The following PDCD6 variants were observed in gnomAD, a reference collection of about 807,000 sequenced individuals.
PDCD6 encodes programmed cell death protein 6.
A neutral mutation model predicts 28.3 loss-of-function variants in PDCD6; 12 were observed. That is an observed-to-expected ratio of 0.42 (90% CI 0.27 to 0.69). The LOEUF is 0.69. Ranked by LOEUF, PDCD6 falls within the 30% of genes least tolerant of loss-of-function variation. The pLI is 0.22. For missense variants in PDCD6, 226 were observed against 269.9 expected, an observed-to-expected ratio of 0.84 and a Z score of 1.14; for synonymous variants, 92 against 108.0, an observed-to-expected ratio of 0.85 and a Z score of 0.92.
intron 2 of PDCD6, among the ~76,000 whole-genome samples, chr5:274,675 C>T (rs529097708): frequency 1.2e-3 from 183 of 152,260 alleles, no homozygotes; most frequent in East Asian, 7.3e-3. Context: ...AACACTCACA[C>T]GCTGGGCTAG....
intron 1 of PDCD6, among the ~76,000 whole-genome samples, chr5:272,415 G>C (rs1204475258): frequency 1.3e-5 from 2 of 149,234 alleles, no homozygotes; most frequent in Admixed American, 1.3e-4. Flanking sequence ...GTTATCTGAG[G>C]GAATCTTGTC....
rs1741149883 is a variant in PDCD6 at position 314,592 on chromosome 5, C to G, written c.*77C>G. On this transcript the variant is annotated 3_prime_UTR_variant, in exon 6 of 6. Transcript: ENST00000264933. ...AGTTCCTATCTGTGAGGGAATGGAGCACAGGTGCAGTTAGATGCTGTTCTT... is the reference window on the plus strand; with the variant it reads ...AGTTCCTATCTGTGAGGGAATGGAGGACAGGTGCAGTTAGATGCTGTTCTT... 9.8e-7 allele frequency: 1 copy of G among 1,021,440 alleles called. No homozygotes were observed. The highest frequency in any genetic ancestry group is 2.4e-5 in the East Asian group (1 of 41,954). 63.3% of individuals were successfully genotyped at this position (1,021,440 alleles called of 1,614,324 possible).
rs758754234 is a variant in PDCD6, at chr5:314,380, T to C, written c.478-37T>C. 4.0e-6 allele frequency: 6 copies of C among 1,492,700 alleles called. No individual in the cohort carries two copies. In the South Asian group the frequency reaches 6.8e-5, roughly 17 times the overall value. 92.5% of individuals were successfully genotyped at this position (1,492,700 alleles called of 1,614,324 possible). A position where few individuals can be genotyped will look rare whatever the true frequency, so the allele number is the denominator to read the frequency against. ...GTCCCAGTGCACCTTGCTCCTTCCA[T>C]TTACTATCGAGATTTAAATGCCTGT... is the stretch of plus-strand genomic sequence containing the variant. On this transcript the variant is annotated intron_variant, in intron 5 of 5. Transcript: ENST00000264933.
At chr5:297,510 A>T (rs1209077430) in intron 2 of PDCD6, among the ~76,000 whole-genome samples, 3 of 152,140 alleles carry the variant, frequency 2.0e-5, no homozygotes, top group African/African-American at 7.2e-5. Context: ...TAATTGCTAC[A>T]CAAAGAGCTG....
intron 1 of PDCD6, 101 bp downstream of exon 1, chr5:271,922 G>A (rs1737834754): frequency 1.8e-6 from 1 of 558,702 alleles, no homozygotes; most frequent in Non-Finnish European, 2.8e-6. Flanking sequence ...CGGTTCTACT[G>A]CGGCCTCCTC....
intron 2 of PDCD6, among the ~76,000 whole-genome samples, chr5:293,208 C>G (rs1361391171): frequency 6.6e-6 from 1 of 152,200 alleles, no homozygotes; most frequent in Admixed American, 6.5e-5. Context: ...TAAGACATGC[C>G]CTGAAACTCA....
intron 2 of PDCD6, among the ~76,000 whole-genome samples, chr5:279,165 A>G (rs966004176): frequency 1.3e-5 from 2 of 150,860 alleles, no homozygotes; most frequent in African/African-American, 2.5e-5. Flanking sequence ...ATTTCTTGCC[A>G]TGGGTGATTT....
intron 2 of PDCD6, among the ~76,000 whole-genome samples, chr5:280,799 T>C (rs1437059478): frequency 3.4e-5 from 5 of 148,508 alleles, no homozygotes; most frequent in African/African-American, 1.3e-4. Flanking sequence ...CTGGGCACTT[T>C]GGGCTGTGGA....
chr5:298,536 A>G (rs1340172806), intron 2 of PDCD6, among the ~76,000 whole-genome samples: 3 of 151,800 alleles, frequency 2.0e-5, no homozygotes, highest in Non-Finnish European at 4.4e-5. Context: ...TGTCATGTGC[A>G]GATGAGGGAT....
intron 2 of PDCD6, among the ~76,000 whole-genome samples, chr5:296,511 G>A (rs1561042113): frequency 6.6e-6 from 1 of 152,242 alleles, no homozygotes; most frequent in Non-Finnish European, 1.5e-5. Flanking sequence ...GTCCCTCAGT[G>A]GAGTCAGCCA....
chr5:271,836 C>T lies in PDCD6; in HGVS notation c.101+15C>T, dbSNP rs757391865. 14 of 1,357,822 alleles carry T rather than the reference C, an allele frequency of 1.0e-5. No individual in the cohort carries two copies. Among genetic ancestry groups the T allele is most frequent in the South Asian group, 6.5e-5 (4 of 61,314 alleles). The allele number at this position is 1,357,822 out of a possible 1,614,324, so 84.1% of individuals were successfully genotyped here. On this transcript the variant is annotated intron_variant, in intron 1 of 5. Transcript: ENST00000264933. ...GTTTTCCAGAGGTGCGGCCTGGCAC[C>T]GCCCGGGCACCTCCCGCCTCCGCCG...
chr5:294,994 G>A (rs1262237048), intron 2 of PDCD6, among the ~76,000 whole-genome samples: 1 of 152,104 alleles, frequency 6.6e-6, no homozygotes, highest in African/African-American at 2.4e-5. Flanking sequence ...GGGGAGCAGG[G>A]CAGTGGTTTC....
At chr5:286,273 G>C (rs1434371706) in intron 2 of PDCD6, among the ~76,000 whole-genome samples, 3 of 151,712 alleles carry the variant, frequency 2.0e-5, no homozygotes, top group African/African-American at 4.8e-5. Context: ...TGTGCAGCTG[G>C]AGACCCAGCG....
rs1435557562 is a variant in PDCD6, at chr5:302,403, A to G, written c.164-1774A>G. Among the ~76,000 whole-genome samples, 74 of 76,110 alleles carry G rather than the reference A, an allele frequency of 9.7e-4. 2 individuals are homozygous for G. The highest frequency in any genetic ancestry group is 5.4e-3 in the African/African-American group (48 of 8,830). The allele number at this position is 76,110 out of a possible 152,430, so 49.9% of individuals were successfully genotyped here. ...GGTCGTGGAGTGCTGCTCTGTGTGT[A>G]TGCCTCAGGTTCAGGTGCACCTGCC... is the stretch of plus-strand genomic sequence containing the variant. On this transcript the variant is annotated intron_variant, in intron 2 of 5. Transcript: ENST00000264933.
chr5:303,410 C>T (rs1422390898), intron 2 of PDCD6, among the ~76,000 whole-genome samples: 1 of 151,492 alleles, frequency 6.6e-6, no homozygotes, highest in Non-Finnish European at 1.5e-5. Context: ...ATGGAAATTA[C>T]TGAAGGTACA....
chr5:280,314 A>T (rs567734980), intron 2 of PDCD6, among the ~76,000 whole-genome samples: 2 of 127,482 alleles, frequency 1.6e-5, no homozygotes, highest in Non-Finnish European at 3.0e-5. Context: ...GGAACAGCAC[A>T]GGGGAGAGAC....
chr5:276,503 C>T (rs1374433215), intron 2 of PDCD6: 1 of 977,280 alleles, frequency 1.0e-6, no homozygotes, highest in Non-Finnish European at 1.2e-6. Context: ...GTCTCACTGT[C>T]TTGCTCAGGC....
intron 2 of PDCD6, among the ~76,000 whole-genome samples, chr5:300,786 C>A (rs569176891): frequency 3.3e-5 from 5 of 152,186 alleles, no homozygotes; most frequent in Non-Finnish European, 7.3e-5. Flanking sequence ...CATCCCTCAG[C>A]GGCCCTTTCT....
intron 2 of PDCD6, among the ~76,000 whole-genome samples, chr5:300,061 A>G (rs1739955902): frequency 6.6e-6 from 1 of 152,108 alleles, no homozygotes. Context: ...TGATCTGCCT[A>G]TGTGGGAAGG....
Sources: allele counts gnomAD v4.1 joint callset (sites outside exome capture counted in the v4.1 genomes callset), GRCh38; gene constraint gnomAD v4.1.1; transcripts MANE v1.5; gene names NCBI Gene and HGNC (gene_info 2026-07-23, HGNC 2026-07-21).